Variants in RBFOX1 observed in about 807,000 individuals in gnomAD.
The protein encoded by RBFOX1 is RNA binding protein fox-1 homolog 1.
In RBFOX1, 8 loss-of-function variants were observed where a neutral mutation model predicts 57.7. The observed-to-expected ratio is 0.14, with a 90% CI of 0.08 to 0.25. RBFOX1 has a LOEUF of 0.25. Among genes scored for constraint, RBFOX1 ranks in the 10% least tolerant of loss-of-function variants. The probability of loss-of-function intolerance (pLI) is 1.00; values close to 1 mark genes in which losing one functional copy is unlikely to be tolerated. For synonymous variants in RBFOX1, 326 were observed against 222.4 expected, an observed-to-expected ratio of 1.47 and a Z score of -4.15; for missense variants, 611 against 548.5, an observed-to-expected ratio of 1.11 and a Z score of -1.14.
chr16:7,364,115 C>T (rs1289996192), intron 4 of RBFOX1, among the ~76,000 whole-genome samples: 1 of 152,194 alleles, frequency 6.6e-6, no homozygotes, highest in African/African-American at 2.4e-5. Context: ...GATTAGGAAT[C>T]CATCTCTCCC....
At chr16:7,594,825 G>A (rs949161713) in intron 7 of RBFOX1, among the ~76,000 whole-genome samples, 4 of 152,128 alleles carry the variant, frequency 2.6e-5, no homozygotes, top group Admixed American at 6.6e-5. Flanking sequence ...ATTCAAAAGC[G>A]TGTATGCAAT....
intron 3 of RBFOX1, among the ~76,000 whole-genome samples, chr16:5,720,332 A>G (rs1021212525): frequency 4.3e-4 from 65 of 152,290 alleles, no homozygotes; most frequent in African/African-American, 1.6e-3. Context: ...GTCCTTGATG[A>G]AATGTGTAAT....
chr16:5,977,221 T>A (rs929396945), intron 4 of RBFOX1, among the ~76,000 whole-genome samples: 2 of 152,054 alleles, frequency 1.3e-5, no homozygotes, highest in Admixed American at 1.3e-4. Context: ...TCTGGTGACT[T>A]TGGAAAAATG....
At chr16:6,103,769 C>T (rs1019109024) in intron 1 of RBFOX1, among the ~76,000 whole-genome samples, 1 of 152,140 alleles carries the variant, frequency 6.6e-6, no homozygotes, top group Admixed American at 6.5e-5. Flanking sequence ...AGTCATGTGA[C>T]CTCCATTTCA....
At chr16:5,676,694 C>T (rs897470169) in intron 3 of RBFOX1, among the ~76,000 whole-genome samples, 4 of 152,130 alleles carry the variant, frequency 2.6e-5, no homozygotes, top group Non-Finnish European at 5.9e-5. Flanking sequence ...AACCTCATCT[C>T]TACTAAAAAT....
intron 3 of RBFOX1, among the ~76,000 whole-genome samples, chr16:6,918,993 G>T (rs185955566): frequency 1.3e-5 from 2 of 152,074 alleles, no homozygotes; most frequent in African/African-American, 4.8e-5. Context: ...TTGTTTGTTT[G>T]TTTTTGAGGC....
At chr16:6,077,351 C>T (rs1186859868) in intron 1 of RBFOX1, among the ~76,000 whole-genome samples, 5 of 152,050 alleles carry the variant, frequency 3.3e-5, no homozygotes, top group South Asian at 2.1e-4. Flanking sequence ...AAAAGGTCAC[C>T]GTGGTTTGTA....
At chr16:6,038,405 C>G (rs2095395033) in intron 1 of RBFOX1, 1 of 150,180 alleles carries the variant, frequency 6.7e-6, no homozygotes, top group South Asian at 2.1e-4. Context: ...TGGTCTCGAA[C>G]TCCTGACCTC....
chr16:7,145,338 G>A (rs1168923851), intron 4 of RBFOX1, among the ~76,000 whole-genome samples: 1 of 152,142 alleles, frequency 6.6e-6, no homozygotes, highest in African/African-American at 2.4e-5. Context: ...CCGATTAGCT[G>A]GGATTGCAGG....
At chr16:6,238,751 T>C (rs1331539334) in intron 1 of RBFOX1, among the ~76,000 whole-genome samples, 2 of 152,204 alleles carry the variant, frequency 1.3e-5, no homozygotes, top group Non-Finnish European at 2.9e-5. Context: ...CTGACTATTT[T>C]TTTAAAATGT....
At chr16:7,087,038 T>C (rs977704298) in intron 4 of RBFOX1, among the ~76,000 whole-genome samples, 1 of 152,208 alleles carries the variant, frequency 6.6e-6, no homozygotes, top group East Asian at 1.9e-4. Flanking sequence ...AATGACACCG[T>C]GGCGTCGGTA....
At chr16:7,297,408 A>G (rs1488961894) in intron 4 of RBFOX1, among the ~76,000 whole-genome samples, 1 of 152,316 alleles carries the variant, frequency 6.6e-6, no homozygotes, top group South Asian at 2.1e-4. Flanking sequence ...GGAAGGGGTA[A>G]GATGAGGATC....
chr16:5,330,546 G>C (rs1298285917), intron 1 of RBFOX1, among the ~76,000 whole-genome samples: 2 of 151,934 alleles, frequency 1.3e-5, no homozygotes, highest in Non-Finnish European at 2.9e-5. Context: ...GGGACTACAG[G>C]TGTGCGTGCT....
In RBFOX1 at chr16:6,741,070, A is replaced by G. The variant is rs190981576; in HGVS notation, c.-16+86420A>G. Among the ~76,000 whole-genome samples, 127 of 152,278 alleles carry G rather than the reference A, an allele frequency of 8.3e-4. 2 individuals are homozygous for G. Among genetic ancestry groups the G allele is most frequent in the African/African-American group, 3.0e-3 (125 of 41,554 alleles). On this transcript the variant is annotated intron_variant, in intron 3 of 15. Transcript: ENST00000550418. Reference sequence around the variant, plus strand: ...GAAGACACTGAAATAGCCCCAGACAACATTGACCAGCTGATTTTTGCCAGT... The same window carrying G: ...GAAGACACTGAAATAGCCCCAGACAGCATTGACCAGCTGATTTTTGCCAGT...
At chr16:7,694,220 G>A (rs1031864672) in intron 14 of RBFOX1, among the ~76,000 whole-genome samples, 5 of 152,148 alleles carry the variant, frequency 3.3e-5, no homozygotes, top group East Asian at 1.9e-4. Context: ...GAGGGAGGAC[G>A]TTACAACTTA....
intron 1 of RBFOX1, among the ~76,000 whole-genome samples, chr16:5,375,526 G>T (rs1258334463): frequency 6.6e-6 from 1 of 152,188 alleles, no homozygotes; most frequent in Admixed American, 6.5e-5. Flanking sequence ...GGAGAGGACT[G>T]CGAGGTGTGT....
chr16:5,254,091 TTG>T (rs1260657208), intron 1 of RBFOX1, among the ~76,000 whole-genome samples: 1 of 152,198 alleles, frequency 6.6e-6, no homozygotes, highest in Non-Finnish European at 1.5e-5. Flanking sequence ...TGATTCTCAT[TTG>T]TGTCTCTAGT....
intron 3 of RBFOX1, among the ~76,000 whole-genome samples, chr16:5,805,940 G>C (rs1466585984): frequency 6.6e-6 from 1 of 152,198 alleles, no homozygotes; most frequent in Non-Finnish European, 1.5e-5. Flanking sequence ...GACAAATGGA[G>C]AAATCTGTCC....
intron 3 of RBFOX1, among the ~76,000 whole-genome samples, chr16:7,016,597 T>G (rs942958407): frequency 6.6e-6 from 1 of 152,170 alleles, no homozygotes; most frequent in African/African-American, 2.4e-5. Flanking sequence ...CACTTCCACT[T>G]GGGTAGACAC....
Sources: allele counts gnomAD v4.1 joint callset (sites outside exome capture counted in the v4.1 genomes callset), GRCh38; gene constraint gnomAD v4.1.1; transcripts MANE v1.5; gene names NCBI Gene and HGNC (gene_info 2026-07-23, HGNC 2026-07-21).